Variants in IL16 observed in about 807,000 individuals in gnomAD.
IL16 encodes the protein pro-interleukin-16.
In IL16, 67 loss-of-function variants were observed where a neutral mutation model predicts 110.1. The ratio of observed to expected loss-of-function variants is 0.61; its 90% CI spans 0.50 to 0.75. The LOEUF (loss-of-function observed/expected upper bound fraction) is 0.75. Among genes scored for constraint, IL16 ranks in the 30% least tolerant of loss-of-function variants. The probability of loss-of-function intolerance (pLI) is 0.00; values close to 1 mark genes in which losing one functional copy is unlikely to be tolerated. For missense variants in IL16, 1,545 were observed against 1,655.0 expected (o/e 0.93, Z 1.15); for synonymous variants, 689 against 662.9 (o/e 1.04, Z -0.61).
At chr15:81,291,938 T>C (rs934429437) in intron 11 of IL16, 4 of 455,952 alleles carry the variant, frequency 8.8e-6, no homozygotes, top group Middle Eastern at 3.3e-4. Context: ...AGAAATGGAG[T>C]TGGGTCCCCC....
At chr15:81,238,717 C>G (rs1008097483) in intron 2 of IL16, among the ~76,000 whole-genome samples, 1 of 151,512 alleles carries the variant, frequency 6.6e-6, no homozygotes, top group Admixed American at 6.6e-5. Context: ...TCATTCTATT[C>G]TTCTTCTTTC....
At chr15:81,290,244 T>C (rs1264146943) in intron 10 of IL16, among the ~76,000 whole-genome samples, 3 of 152,228 alleles carry the variant, frequency 2.0e-5, no homozygotes, top group African/African-American at 7.2e-5. Context: ...AACCCCTGCA[T>C]TGATAGACTT....
chr15:81,289,111 G>GTCCC (rs1899590452), intron 10 of IL16, among the ~76,000 whole-genome samples: 2 of 151,998 alleles, frequency 1.3e-5, no homozygotes, highest in African/African-American at 4.8e-5. Context: ...GAGCCCAAGG[G>GTCCC]TCCCGATTTC....
At chr15:81,260,474 GTATTT>G (rs1898110748) in intron 3 of IL16, among the ~76,000 whole-genome samples, 2 of 152,136 alleles carry the variant, frequency 1.3e-5, no homozygotes, top group African/African-American at 2.4e-5. Context: ...TGGATCCATG[GTATTT>G]TATTATATGA....
chr15:81,296,295 G>A (rs569691461), intron 12 of IL16, among the ~76,000 whole-genome samples: 1 of 152,276 alleles, frequency 6.6e-6, no homozygotes, highest in Admixed American at 6.5e-5. Flanking sequence ...GGTTCATCTT[G>A]TCCCTAGGCT....
intron 10 of IL16, chr15:81,290,176 T>A: frequency 2.1e-6 from 1 of 467,484 alleles, no homozygotes; most frequent in Non-Finnish European, 3.8e-6. Flanking sequence ...TAACTTTGCC[T>A]AGAATTTTCC....
chr15:81,276,131 A>C (rs912386831), intron 6 of IL16, among the ~76,000 whole-genome samples: 5 of 152,090 alleles, frequency 3.3e-5, no homozygotes, highest in African/African-American at 1.2e-4. Flanking sequence ...AAATGTATCT[A>C]TTTTCCTTCC....
At chr15:81,260,486 A>G (rs1275465910) in intron 3 of IL16, among the ~76,000 whole-genome samples, 1 of 152,238 alleles carries the variant, frequency 6.6e-6, no homozygotes, top group East Asian at 1.9e-4. Context: ...ATTTTATTAT[A>G]TGAATTTATG....
At chr15:81,247,968 G>T (rs1897626801) in intron 2 of IL16, among the ~76,000 whole-genome samples, 1 of 152,286 alleles carries the variant, frequency 6.6e-6, no homozygotes, top group South Asian at 2.1e-4. Context: ...AAGAGACATT[G>T]TATATAGCTA....
chr15:81,237,928 G>A (rs910909483), intron 2 of IL16, among the ~76,000 whole-genome samples: 4 of 150,680 alleles, frequency 2.7e-5, no homozygotes, highest in African/African-American at 4.9e-5. Context: ...ATTTTGAGAC[G>A]GAGTCTTGCT....
chr15:81,292,632 G>T lies in IL16; in HGVS notation c.1497G>T (p.Pro499=). 4 of 1,611,506 alleles carry T rather than the reference G, an allele frequency of 2.5e-6. No homozygotes were observed. Among genetic ancestry groups the T allele is most frequent in the Non-Finnish European group, 3.4e-6 (4 of 1,177,878 alleles). ...AACGAGAGAAGAACTCAGCACCCCC[G>T]CATCGCAGGGCTCAGAAGGTCATGA... ...EKEREKNSAP[P]HRRAQKVMIR... Residue 499 remains proline, a synonymous_variant, in exon 12 of 19, where the codon CCG becomes CCT. Coordinates refer to ENST00000683961, the MANE Select transcript of IL16 (RefSeq NM_172217.5).
rs546185192 is a variant in IL16 at position 81,204,261 on chromosome 15, T to A, written c.-102+7109T>A. Reference sequence around the variant, plus strand: ...GTTTTCTAGATATACAATCATGTCATCTGCAAACAGGGACAATTTGACTTC... The same window carrying A: ...GTTTTCTAGATATACAATCATGTCAACTGCAAACAGGGACAATTTGACTTC... On this transcript the variant is annotated intron_variant, in intron 1 of 18. Coordinates refer to ENST00000683961, the MANE Select transcript of IL16 (RefSeq NM_172217.5). Among the ~76,000 whole-genome samples, 57 of 152,044 alleles carry A rather than the reference T, an allele frequency of 3.7e-4. No individual in the cohort carries two copies. The East Asian group carries it at 0.01, about 27-fold the overall frequency.
chr15:81,279,843 C>T (rs1899092194), intron 8 of IL16, 69 bp downstream of exon 8: 2 of 1,334,996 alleles, frequency 1.5e-6, no homozygotes, highest in Non-Finnish European at 2.1e-6. Flanking sequence ...AGGCTTTCCT[C>T]ACTTGGAATC....
chr15:81,265,572 C>A, intron 3 of IL16, 87 bp from the exon 4 acceptor site: 1 of 1,447,206 alleles, frequency 6.9e-7, no homozygotes, highest in Non-Finnish European at 9.5e-7. Context: ...TGGCCCCTGG[C>A]TAATGAGGGG....
At chr15:81,246,089 T>C (rs1296529485) in intron 2 of IL16, among the ~76,000 whole-genome samples, 1 of 152,184 alleles carries the variant, frequency 6.6e-6, no homozygotes, top group East Asian at 1.9e-4. Context: ...ATATCATCTA[T>C]GAATAATAAT....
chr15:81,286,791 C>T (rs918318287), intron 10 of IL16, among the ~76,000 whole-genome samples: 1 of 152,136 alleles, frequency 6.6e-6, no homozygotes, highest in Non-Finnish European at 1.5e-5. Context: ...TGTTGATAGA[C>T]ACATACCTGA....
intron 1 of IL16, among the ~76,000 whole-genome samples, chr15:81,197,912 C>T (rs1895659419): frequency 6.6e-6 from 1 of 152,008 alleles, no homozygotes; most frequent in Non-Finnish European, 1.5e-5. Flanking sequence ...CCCAGGAGGC[C>T]AGTTCAAGCT....
upstream of IL16, among the ~76,000 whole-genome samples, chr15:81,192,214 G>A (rs923860510): frequency 1.3e-5 from 2 of 152,238 alleles, no homozygotes; most frequent in African/African-American, 4.8e-5. Flanking sequence ...AATTGTGTGT[G>A]TGGAGAGGGA....
chr15:81,236,330 C>T (rs922653218), intron 2 of IL16, among the ~76,000 whole-genome samples: 9 of 152,098 alleles, frequency 5.9e-5, no homozygotes, highest in African/African-American at 2.2e-4. Flanking sequence ...CGCAGAAGAG[C>T]GACTTATGGA....
Sources: gnomAD v4.1 joint callset for allele counts (sites outside exome capture counted in the v4.1 genomes callset) on GRCh38, gnomAD v4.1.1 for gene constraint, MANE v1.5 for transcripts, NCBI Gene and HGNC (gene_info 2026-07-23, HGNC 2026-07-21) for gene names.